KCNJ9: variants seen among roughly 807,000 people sequenced by gnomAD.
KCNJ9 encodes G protein-activated inward rectifier potassium channel 3.
KCNJ9 carries 18 observed loss-of-function variants against 27.9 expected under a neutral mutation model. That is an observed-to-expected ratio of 0.65 (90% CI 0.45 to 0.96). KCNJ9 has a LOEUF of 0.96. Among genes scored for constraint, KCNJ9 ranks in the 40% least tolerant of loss-of-function variants. The probability of loss-of-function intolerance (pLI) is 0.00; values close to 1 mark genes in which losing one functional copy is unlikely to be tolerated. For missense variants in KCNJ9, 324 were observed against 557.5 expected, an observed-to-expected ratio of 0.58 and a Z score of 4.22; for synonymous variants, 229 against 248.2, an observed-to-expected ratio of 0.92 and a Z score of 0.73.
rs865797328 is a variant in KCNJ9, at chr1:160,083,635, C to A, written c.-114-282C>A. The stretch of plus-strand genomic sequence containing the variant: ...GGGGCTGCCCCTGAGGTGCTGCACA[C>A]CCCAGCTGGAGGTGATGGCACCAAA... On this transcript the variant is annotated intron_variant, in intron 1 of 2. Coordinates refer to ENST00000368088, the MANE Select transcript of KCNJ9 (RefSeq NM_004983.3). 4.7e-4 allele frequency among the ~76,000 whole-genome samples: 71 copies of A among 152,310 alleles called. 1 individual carries two copies. The highest frequency in any genetic ancestry group is 1.5e-3 in the African/African-American group (63 of 41,566).
Position 160,087,890 on chromosome 1 carries a change from G to C in KCNJ9, c.*73G>C, listed in dbSNP as rs1649811407. 13 of 1,331,142 alleles carry C rather than the reference G, an allele frequency of 9.8e-6. No homozygotes were observed. Among genetic ancestry groups the C allele is most frequent in the Non-Finnish European group, 1.2e-5 (12 of 1,029,068 alleles). 82.5% of individuals were successfully genotyped at this position (1,331,142 alleles called of 1,614,324 possible). ...ACATGGGGAACTGCATATCGGAGGT[G>C]GTGGAGGAGGAGGAGGAGGAGGAAG... On this transcript the variant is annotated 3_prime_UTR_variant, in exon 3 of 3. Transcript: ENST00000368088.
Position 160,087,739 on chromosome 1 carries a change from G to A in KCNJ9, c.1104G>A (p.Glu368=). 5.6e-6 allele frequency: 4 copies of A among 715,424 alleles called. No individual in the cohort carries two copies. The highest frequency in any genetic ancestry group is 8.1e-6 in the Non-Finnish European group (4 of 491,524). 44.3% of individuals were successfully genotyped at this position (715,424 alleles called of 1,614,324 possible). Residue 368 remains glutamate, a synonymous_variant, in exon 3 of 3, where the codon GAG becomes GAA. Transcript: ENST00000368088. ...AGGTGGAGGAGGAGGGGGCGGGGGA[G>A]GGGGCGGGTGGGGAAGCTGGGGCTG... ...DEKVEEEGAG[E]GAGGEAGADK... is the part of the protein sequence containing the mutation.
In KCNJ9 at chr1:160,084,168, G is replaced by T. The variant is rs150570311; in HGVS notation, c.138G>T (p.Thr46=). The change falls in exon 2 of 3, where the codon ACG becomes ACT. Residue 46 remains threonine (T), a synonymous_variant. Transcript: ENST00000368088. ...TGCGCGAGACATACCGCTACCTGAC[G>T]GACCTGTTCACCACGCTGGTGGACC... ...GNVRETYRYL[T]DLFTTLVDLQ... The T allele has an allele frequency of 1.2e-6, 2 of 1,603,178 alleles. No individual in the cohort carries two copies. The highest frequency in any genetic ancestry group is 1.7e-6 in the Non-Finnish European group (2 of 1,174,838).
Position 160,087,696 on chromosome 1 carries a change from C to G in KCNJ9, c.1061C>G (p.Pro354Arg). ...GATGCCCATCTCTACTGGTCCATCC[C>G]CAGCCGGCTGGATGAGAAGGTGGAG... ...RLDAHLYWSI[P>R]SRLDEKVEEE... The change falls in exon 3 of 3, where the codon CCC becomes CGC. Residue 354 changes from proline (P) to arginine (R), a missense_variant. Transcript: ENST00000368088. The G allele has an allele frequency of 6.7e-7, 1 of 1,493,312 alleles. No individual in the cohort carries two copies. The highest frequency in any genetic ancestry group is 9.0e-7 in the Non-Finnish European group (1 of 1,109,640). 92.5% of individuals were successfully genotyped at this position (1,493,312 alleles called of 1,614,324 possible). A position where few individuals can be genotyped will look rare whatever the true frequency, so the allele number is the denominator to read the frequency against.
intron 2 of KCNJ9, among the ~76,000 whole-genome samples, chr1:160,087,074 G>A (rs1649789753): frequency 6.6e-6 from 1 of 152,208 alleles, no homozygotes. Context: ...ATCATACAAA[G>A]GAGTGGGCCC....
At position 160,088,128 on chromosome 1, in the gene KCNJ9, A is replaced by T. The variant is rs2101948559; in HGVS notation, c.*311A>T. 3.1e-6 allele frequency: 1 copy of T among 318,840 alleles called. No homozygotes were observed. Among genetic ancestry groups the T allele is most frequent in the Non-Finnish European group, 5.7e-6 (1 of 174,878 alleles). The allele number at this position is 318,840 out of a possible 1,614,324, so 19.8% of individuals were successfully genotyped here. A position where few individuals can be genotyped will look rare whatever the true frequency, so the allele number is the denominator to read the frequency against. On this transcript the variant is annotated 3_prime_UTR_variant, in exon 3 of 3. Coordinates refer to ENST00000368088, the MANE Select transcript of KCNJ9 (RefSeq NM_004983.3). ...TTTGGGGGTTGGATGGGAAGATGGTAGCAGATAAAGACAGCTGACAGATAC... is the reference window on the plus strand; with the variant it reads ...TTTGGGGGTTGGATGGGAAGATGGTTGCAGATAAAGACAGCTGACAGATAC...
At chr1:160,083,343 G>A (rs1649713366) in intron 1 of KCNJ9, among the ~76,000 whole-genome samples, 2 of 152,216 alleles carry the variant, frequency 1.3e-5, no homozygotes, top group African/African-American at 4.8e-5. Flanking sequence ...TCGTTTGTAA[G>A]CATGTTGAGG....
At chr1:160,086,064 G>A (rs1651927080) in intron 2 of KCNJ9, among the ~76,000 whole-genome samples, 1 of 152,274 alleles carries the variant, frequency 6.6e-6, no homozygotes, top group African/African-American at 2.4e-5. Flanking sequence ...CTCCAGGGAA[G>A]TTGCTGCCCG....
At chr1:160,083,666 T>C (rs1649723098) in intron 1 of KCNJ9, among the ~76,000 whole-genome samples, 1 of 152,194 alleles carries the variant, frequency 6.6e-6, no homozygotes, top group Admixed American at 6.5e-5. Flanking sequence ...CCAAAATATC[T>C]GGTACCTCCT....
At chr1:160,083,870 C>T (rs1403166110) in intron 1 of KCNJ9, 47 bp from the exon 2 acceptor site, 1 of 527,870 alleles carries the variant, frequency 1.9e-6, no homozygotes. Flanking sequence ...ATGCCCCGTG[C>T]CTCCCCATCT....
rs935549070 is a variant in KCNJ9, at chr1:160,083,976, C to A, written c.-55C>A. On this transcript the variant is annotated 5_prime_UTR_variant, in exon 2 of 3. Coordinates refer to ENST00000368088, the MANE Select transcript of KCNJ9 (RefSeq NM_004983.3). The stretch of plus-strand genomic sequence containing the variant: ...AGCGACGCGCGGCAGGTGGCAGCAG[C>A]TCGGGCCCCCGCCGCACTCCAGGCG... 2 of 1,215,048 alleles carry A rather than the reference C, an allele frequency of 1.6e-6. No homozygotes were observed. Among genetic ancestry groups the A allele is most frequent in the East Asian group, 3.5e-5 (1 of 28,706 alleles). The allele number at this position is 1,215,048 out of a possible 1,614,324, so 75.3% of individuals were successfully genotyped here. A position where few individuals can be genotyped will look rare whatever the true frequency, so the allele number is the denominator to read the frequency against.
chr1:160,084,921 G>T (rs2101946193), intron 2 of KCNJ9, 41 bp downstream of exon 2: 1 of 1,484,440 alleles, frequency 6.7e-7, no homozygotes, highest in East Asian at 2.5e-5. Flanking sequence ...TTGGCAGAGG[G>T]TGGGCGGGAC....
chr1:160,087,475 C>G lies in KCNJ9; in HGVS notation c.851-11C>G. 1 of 1,583,046 alleles carries G rather than the reference C, an allele frequency of 6.3e-7. No individual in the cohort carries two copies. The highest frequency in any genetic ancestry group is 1.2e-5 in the South Asian group (1 of 85,902). On this transcript the variant is annotated splice_polypyrimidine_tract_variant and intron_variant, in intron 2 of 2. Coordinates refer to ENST00000368088, the MANE Select transcript of KCNJ9 (RefSeq NM_004983.3). ...GCTGAGATTCCCCCTGACCGGTGCCCCTCCTCCCAGGAATGACATGCCAAG... is the reference window on the plus strand; with the variant it reads ...GCTGAGATTCCCCCTGACCGGTGCCGCTCCTCCCAGGAATGACATGCCAAG...
At chr1:160,085,381 T>A (rs909026160) in intron 2 of KCNJ9, among the ~76,000 whole-genome samples, 1 of 152,194 alleles carries the variant, frequency 6.6e-6, no homozygotes, top group Non-Finnish European at 1.5e-5. Flanking sequence ...GTGGCTTCAA[T>A]GTTTAGTGGT....
chr1:160,086,667 C>T (rs1020095945), intron 2 of KCNJ9, among the ~76,000 whole-genome samples: 5 of 152,158 alleles, frequency 3.3e-5, no homozygotes, highest in African/African-American at 1.2e-4. Context: ...GTCTTGATGT[C>T]GTAGCAATGT....
At chr1:160,087,460 C>G (rs1337565181) in intron 2 of KCNJ9, 26 bp from the exon 3 acceptor site, 1 of 1,569,960 alleles carries the variant, frequency 6.4e-7, no homozygotes. Flanking sequence ...GCTGAGATTC[C>G]CCCTGACCGG....
At chr1:160,084,932 C>T (rs1454788634) in intron 2 of KCNJ9, 52 bp downstream of exon 2, 1 of 1,470,768 alleles carries the variant, frequency 6.8e-7, no homozygotes, top group Non-Finnish European at 9.0e-7. Context: ...TGGGCGGGAC[C>T]GAGGAAGGCA....
chr1:160,083,560 A>T (rs538768597), intron 1 of KCNJ9, among the ~76,000 whole-genome samples: 6 of 152,084 alleles, frequency 3.9e-5, no homozygotes, highest in Non-Finnish European at 8.8e-5. Flanking sequence ...CCCCCAGTCT[A>T]TTGATTTCAG....
At chr1:160,081,862 A>C (rs1649683513) in intron 1 of KCNJ9, among the ~76,000 whole-genome samples, 165 bp downstream of exon 1, 1 of 152,190 alleles carries the variant, frequency 6.6e-6, no homozygotes, top group Admixed American at 6.5e-5. Flanking sequence ...GGCCCAGGAA[A>C]AGTGGTATTG....
Sources: gnomAD v4.1 joint callset for allele counts (sites outside exome capture counted in the v4.1 genomes callset) on GRCh38, gnomAD v4.1.1 for gene constraint, MANE v1.5 for transcripts, NCBI Gene and HGNC (gene_info 2026-07-23, HGNC 2026-07-21) for gene names.